Variants in ADAMTS17 observed in about 807,000 individuals in gnomAD.
ADAMTS17 encodes ADAM metallopeptidase with thrombospondin type 1 motif 17.
Under a neutral mutation model 141.5 loss-of-function variants are expected in ADAMTS17, and 113 were observed. The ratio of observed to expected loss-of-function variants is 0.80; its 90% CI spans 0.69 to 0.93. The LOEUF (loss-of-function observed/expected upper bound fraction) is 0.93, where lower values mean the gene tolerates loss of function less well. Ranked by LOEUF, ADAMTS17 falls within the 40% of genes least tolerant of loss-of-function variation. ADAMTS17 has a pLI of 0.00. For missense variants in ADAMTS17, 1,659 were observed against 1,517.9 expected, an observed-to-expected ratio of 1.09 and a Z score of -1.54; for synonymous variants, 768 against 630.6, an observed-to-expected ratio of 1.22 and a Z score of -3.27.
chr15:100,264,929 T>C lies in ADAMTS17; in HGVS notation c.790-2494A>G, dbSNP rs74039117. 5.1e-3 allele frequency among the ~76,000 whole-genome samples: 773 copies of C among 152,264 alleles called. 6 individuals are homozygous for C. Among genetic ancestry groups the C allele is most frequent in the African/African-American group, 0.018 (728 of 41,542 alleles). ...AACCTAAGAATACCGAACCACACAG[T>C]TAAAAATGGCTAAGGTGGTAAATTT... On this transcript the variant is annotated intron_variant, in intron 4 of 21. Coordinates refer to ENST00000268070, the MANE Select transcript of ADAMTS17 (RefSeq NM_139057.4).
chr15:100,189,405 C>T (rs2040838271), intron 8 of ADAMTS17, among the ~76,000 whole-genome samples: 2 of 152,214 alleles, frequency 1.3e-5, no homozygotes, highest in African/African-American at 4.8e-5. Context: ...TATAACTCTC[C>T]TCCTGCTGCT....
chr15:99,983,103 T>C (rs1351134592), intron 20 of ADAMTS17, among the ~76,000 whole-genome samples: 1 of 152,212 alleles, frequency 6.6e-6, no homozygotes, highest in African/African-American at 2.4e-5. Context: ...CAGACCAGCG[T>C]GATACTGAGA....
Position 100,078,132 on chromosome 15 carries a change from T to C in ADAMTS17, c.2137+18224A>G, listed in dbSNP as rs538846993. Among the ~76,000 whole-genome samples the C allele has an allele frequency of 2.6e-5, 4 of 152,180 alleles. No individual in the cohort carries two copies. In the South Asian group the frequency reaches 6.2e-4, roughly 24 times the overall value. On this transcript the variant is annotated intron_variant, in intron 15 of 21. Transcript: ENST00000268070. ...TAAATGGAAAGATATTTTATATTCT[T>C]GGATCAGATGACATTGTAAAAAATG...
chr15:100,059,814 G>A (rs1208409299), intron 15 of ADAMTS17, among the ~76,000 whole-genome samples: 2 of 152,184 alleles, frequency 1.3e-5, no homozygotes, highest in Non-Finnish European at 2.9e-5. Context: ...TGAGGCTGCA[G>A]CTCCAGGCAC....
chr15:100,196,245 C>T (rs2041110378), intron 8 of ADAMTS17, among the ~76,000 whole-genome samples: 1 of 152,220 alleles, frequency 6.6e-6, no homozygotes, highest in South Asian at 2.1e-4. Flanking sequence ...TAAAGCCATG[C>T]ATACAAAGAG....
chr15:100,051,221 G>A (rs1482186765), intron 17 of ADAMTS17, among the ~76,000 whole-genome samples: 2 of 152,164 alleles, frequency 1.3e-5, no homozygotes, highest in Non-Finnish European at 2.9e-5. Context: ...GACATGCTCT[G>A]GTGCCCCTCC....
chr15:100,042,114 T>A (rs755249414), intron 18 of ADAMTS17, among the ~76,000 whole-genome samples: 2 of 152,160 alleles, frequency 1.3e-5, no homozygotes, highest in Non-Finnish European at 2.9e-5. Context: ...CCTCCACATC[T>A]CCACCTTACC....
At chr15:100,082,490 ATCC>A (rs1315079972) in intron 15 of ADAMTS17, among the ~76,000 whole-genome samples, 19 of 151,750 alleles carry the variant, frequency 1.3e-4, no homozygotes, top group Non-Finnish European at 2.4e-4. Flanking sequence ...AGCTCATGCA[ATCC>A]TCCTGCCCCC....
At chr15:100,238,464 T>C (rs2042727474) in intron 7 of ADAMTS17, among the ~76,000 whole-genome samples, 1 of 151,784 alleles carries the variant, frequency 6.6e-6, no homozygotes, top group East Asian at 1.9e-4. Context: ...CTCAATAGAG[T>C]TTTACTGAGT....
intron 7 of ADAMTS17, among the ~76,000 whole-genome samples, chr15:100,217,280 T>A (rs192637089): frequency 4.3e-4 from 65 of 152,324 alleles, no homozygotes; most frequent in Non-Finnish European, 8.1e-4. Context: ...CTTCGCATCA[T>A]ACACAAAAAT....
At chr15:100,015,832 T>C (rs2061277639) in intron 18 of ADAMTS17, among the ~76,000 whole-genome samples, 1 of 152,234 alleles carries the variant, frequency 6.6e-6, no homozygotes, top group Non-Finnish European at 1.5e-5. Flanking sequence ...GATTACCTGA[T>C]GACAATGTGC....
intron 7 of ADAMTS17, among the ~76,000 whole-genome samples, chr15:100,205,022 G>C (rs954099395): frequency 1.3e-5 from 2 of 152,184 alleles, no homozygotes; most frequent in African/African-American, 4.8e-5. Context: ...GTTGCTTCAT[G>C]ATGGGGTTCT....
intron 3 of ADAMTS17, among the ~76,000 whole-genome samples, chr15:100,294,295 C>A (rs1021178392): frequency 1.3e-5 from 2 of 152,134 alleles, no homozygotes; most frequent in Admixed American, 6.5e-5. Flanking sequence ...TCTGAATGGT[C>A]ATATTCTCCA....
At chr15:100,320,625 G>A (rs567955796) in intron 3 of ADAMTS17, among the ~76,000 whole-genome samples, 1 of 152,310 alleles carries the variant, frequency 6.6e-6, no homozygotes, top group Non-Finnish European at 1.5e-5. Context: ...TTAGTTCCAG[G>A]AGATGGCGAC....
intron 8 of ADAMTS17, among the ~76,000 whole-genome samples, chr15:100,177,879 G>C (rs1037377346): frequency 2.3e-4 from 35 of 151,962 alleles, no homozygotes; most frequent in African/African-American, 8.5e-4. Flanking sequence ...TATCTTTTCT[G>C]GTGGGTTGAC....
At chr15:100,053,748 G>C (rs922716562) in intron 16 of ADAMTS17, 149 bp downstream of exon 16, 13 of 1,123,498 alleles carry the variant, frequency 1.2e-5, no homozygotes, top group African/African-American at 3.1e-5. Context: ...AGAGGGGAGA[G>C]GACTGAGCAG....
At chr15:100,187,807 T>A (rs777061741) in intron 8 of ADAMTS17, among the ~76,000 whole-genome samples, 18 of 152,020 alleles carry the variant, frequency 1.2e-4, no homozygotes, top group Non-Finnish European at 2.2e-4. Flanking sequence ...GTCGCTCACA[T>A]CTCGGCTTCT....
chr15:100,131,366 G>GAAAAA (rs11398544), intron 12 of ADAMTS17, among the ~76,000 whole-genome samples: 1 of 127,806 alleles, frequency 7.8e-6, no homozygotes, highest in Non-Finnish European at 1.6e-5. Flanking sequence ...CTTAAAGTAT[G>GAAAAA]AAAAAAAAAA....
intron 7 of ADAMTS17, among the ~76,000 whole-genome samples, chr15:100,209,951 T>A (rs1480506383): frequency 1.3e-5 from 2 of 152,236 alleles, no homozygotes; most frequent in African/African-American, 4.8e-5. Context: ...GTTCTTCACC[T>A]TTCAAGCAAT....
Sources: gnomAD v4.1 joint callset for allele counts (sites outside exome capture counted in the v4.1 genomes callset) on GRCh38, gnomAD v4.1.1 for gene constraint, MANE v1.5 for transcripts, NCBI Gene and HGNC (gene_info 2026-07-23, HGNC 2026-07-21) for gene names.